Variants in GRID2 observed in about 807,000 individuals in gnomAD.
GRID2 encodes the protein glutamate receptor ionotropic, delta-2.
In GRID2, 33 loss-of-function variants were observed where a neutral mutation model predicts 114.8. The observed-to-expected ratio is 0.29, with a 90% confidence interval of 0.22 to 0.38. GRID2 has a LOEUF of 0.38. Among genes scored for constraint, GRID2 ranks in the 10% least tolerant of loss-of-function variants. The pLI is 1.00. For missense variants in GRID2, 1,184 were observed against 1,257.7 expected (o/e 0.94, Z 0.89); for synonymous variants, 505 against 449.9 (o/e 1.12, Z -1.55).
At chr4:93,245,640 G>T (rs750372749) in intron 8 of GRID2, among the ~76,000 whole-genome samples, 3 of 152,102 alleles carry the variant, frequency 2.0e-5, no homozygotes, top group Non-Finnish European at 4.4e-5. Context: ...GTGGAAAAAC[G>T]TGTAGCCTTT....
At chr4:93,299,431 G>GGA (rs1553903791) in intron 8 of GRID2, among the ~76,000 whole-genome samples, 1 of 147,506 alleles carries the variant, frequency 6.8e-6, no homozygotes, top group Non-Finnish European at 1.5e-5. Flanking sequence ...TTGAAACGGG[G>GGA]AAAAAAAAGT....
At chr4:93,144,735 T>G (rs923303744) in intron 4 of GRID2, among the ~76,000 whole-genome samples, 10 of 107,542 alleles carry the variant, frequency 9.3e-5, no homozygotes, top group Non-Finnish European at 1.4e-4. Flanking sequence ...AATAAATGGC[T>G]TCTGTTGCTT....
intron 2 of GRID2, among the ~76,000 whole-genome samples, chr4:92,803,708 C>A (rs984665827): frequency 6.6e-6 from 1 of 151,854 alleles, no homozygotes; most frequent in Non-Finnish European, 1.5e-5. Context: ...TAAGGGGGAC[C>A]CCAGGCATGA....
rs1051030389 is a variant in GRID2, at chr4:92,891,924, T to G, written c.245-193071T>G. The stretch of plus-strand genomic sequence containing the variant: ...CTTTCCTGTTTTCTTAAATATTGCA[T>G]TAACATATTGAGAGATTCCCATTAT... On this transcript the variant is annotated intron_variant, in intron 2 of 15. Coordinates refer to ENST00000282020, the MANE Select transcript of GRID2 (RefSeq NM_001510.4). Among the ~76,000 whole-genome samples, 4 of 152,348 alleles carry G rather than the reference T, an allele frequency of 2.6e-5. No individual in the cohort carries two copies. In the South Asian group the frequency reaches 8.3e-4, roughly 32 times the overall value.
At chr4:93,673,501 A>T (rs920155844) in intron 14 of GRID2, among the ~76,000 whole-genome samples, 6 of 152,130 alleles carry the variant, frequency 3.9e-5, no homozygotes, top group Non-Finnish European at 8.8e-5. Context: ...TGTTTGCATC[A>T]TGACAATCTT....
intron 2 of GRID2, among the ~76,000 whole-genome samples, chr4:92,939,941 C>T (rs1053144398): frequency 2.0e-5 from 3 of 146,938 alleles, no homozygotes; most frequent in African/African-American, 7.3e-5. Context: ...GTTTTGGTAC[C>T]AGTACCATGC....
At chr4:92,825,209 G>C (rs1194234576) in intron 2 of GRID2, among the ~76,000 whole-genome samples, 1 of 152,002 alleles carries the variant, frequency 6.6e-6, no homozygotes, top group Non-Finnish European at 1.5e-5. Flanking sequence ...CTAGCCTAAA[G>C]AGAACCTTTG....
At chr4:93,601,251 T>C (rs1363799071) in intron 13 of GRID2, among the ~76,000 whole-genome samples, 1 of 152,134 alleles carries the variant, frequency 6.6e-6, no homozygotes, top group African/African-American at 2.4e-5. Context: ...TTGGACTGGA[T>C]TAAATACAGC....
At chr4:93,621,322 C>T (rs189351811) in intron 13 of GRID2, among the ~76,000 whole-genome samples, 1 of 152,148 alleles carries the variant, frequency 6.6e-6, no homozygotes, top group African/African-American at 2.4e-5. Flanking sequence ...AGCATCTCTA[C>T]TTTGGGGTCT....
chr4:92,796,927 G>C (rs1408021754), intron 2 of GRID2, among the ~76,000 whole-genome samples: 1 of 151,738 alleles, frequency 6.6e-6, no homozygotes, highest in Admixed American at 6.6e-5. Flanking sequence ...TTTCATACAA[G>C]ATAAAAAGAT....
intron 2 of GRID2, among the ~76,000 whole-genome samples, chr4:92,722,474 A>C (rs1334048768): frequency 6.6e-6 from 1 of 152,176 alleles, no homozygotes; most frequent in African/African-American, 2.4e-5. Context: ...GTGGCAATCC[A>C]GAATATAACT....
chr4:93,545,530 C>T (rs1280275741), intron 13 of GRID2, among the ~76,000 whole-genome samples: 4 of 152,124 alleles, frequency 2.6e-5, no homozygotes, highest in African/African-American at 4.8e-5. Flanking sequence ...AGAAGCAGAT[C>T]GTGATTAGGA....
At chr4:92,437,615 A>G (rs1194370569) in intron 1 of GRID2, among the ~76,000 whole-genome samples, 1 of 152,230 alleles carries the variant, frequency 6.6e-6, no homozygotes, top group Admixed American at 6.5e-5. Flanking sequence ...TTCTGGAATC[A>G]ACGTCTTTAA....
chr4:93,484,908 T>C (rs1327127481), intron 11 of GRID2, among the ~76,000 whole-genome samples: 1 of 151,910 alleles, frequency 6.6e-6, no homozygotes, highest in Non-Finnish European at 1.5e-5. Context: ...CATTTCTGTC[T>C]CTTGGTATGT....
At chr4:92,714,492 G>A (rs1432232056) in intron 2 of GRID2, among the ~76,000 whole-genome samples, 1 of 152,142 alleles carries the variant, frequency 6.6e-6, no homozygotes, top group Non-Finnish European at 1.5e-5. Context: ...TGGGGACTCT[G>A]TGTGGGGGCT....
At position 92,381,082 on chromosome 4, in the gene GRID2, A is replaced by G. The variant is rs73839298; in HGVS notation, c.88+76338A>G. 8.9e-3 allele frequency among the ~76,000 whole-genome samples: 1,350 copies of G among 152,206 alleles called. 18 individuals carry two copies. The highest frequency in any genetic ancestry group is 0.031 in the African/African-American group (1,300 of 41,562). ...ATGCAATCTTAAGCCTCTTTGAAAT[A>G]TAGTAGATACCATACATTATTTTAA... On this transcript the variant is annotated intron_variant, in intron 1 of 15. Coordinates refer to ENST00000282020, the MANE Select transcript of GRID2 (RefSeq NM_001510.4).
chr4:93,394,981 A>G (rs1446393212), intron 8 of GRID2, among the ~76,000 whole-genome samples: 4 of 152,146 alleles, frequency 2.6e-5, no homozygotes, highest in Admixed American at 6.6e-5. Context: ...TTAAACTACT[A>G]TTTGGGTGAG....
intron 13 of GRID2, among the ~76,000 whole-genome samples, chr4:93,527,884 C>G (rs1010116948): frequency 1.3e-5 from 2 of 152,020 alleles, no homozygotes; most frequent in Admixed American, 6.6e-5. Context: ...CCTCTTCCCC[C>G]CAAGGCCTTA....
chr4:92,782,245 T>C (rs996774229), intron 2 of GRID2, among the ~76,000 whole-genome samples: 1 of 152,056 alleles, frequency 6.6e-6, no homozygotes, highest in African/African-American at 2.4e-5. Flanking sequence ...GGTTTATTGG[T>C]ACTTTGAGAG....
Sources: allele counts gnomAD v4.1 joint callset (sites outside exome capture counted in the v4.1 genomes callset), GRCh38; gene constraint gnomAD v4.1.1; transcripts MANE v1.5; gene names NCBI Gene and HGNC (gene_info 2026-07-23, HGNC 2026-07-21).